The following GMDS variants were observed in gnomAD, a reference collection of about 807,000 sequenced individuals.
GMDS encodes the protein GDP-mannose 4,6-dehydratase, also known as GDP-mannose 4,6 dehydratase.
In GMDS, 20 loss-of-function variants were observed where a neutral mutation model predicts 49.9. The ratio of observed to expected loss-of-function variants is 0.40; its 90% CI spans 0.28 to 0.58. The LOEUF (loss-of-function observed/expected upper bound fraction) is 0.58. Among genes scored for constraint, GMDS ranks in the 20% least tolerant of loss-of-function variants. The pLI is 0.42. For missense variants in GMDS, 362 were observed against 481.4 expected, an observed-to-expected ratio of 0.75 and a Z score of 2.32; for synonymous variants, 177 against 178.6, an observed-to-expected ratio of 0.99 and a Z score of 0.07.
intron 1 of GMDS, among the ~76,000 whole-genome samples, chr6:2,152,723 T>C (rs1265995565): frequency 6.6e-6 from 1 of 152,110 alleles, no homozygotes; most frequent in Non-Finnish European, 1.5e-5. Context: ...TACAAAAATT[T>C]GGACAGGTGA....
intron 9 of GMDS, among the ~76,000 whole-genome samples, chr6:1,689,665 C>T (rs185833332): frequency 6.6e-6 from 1 of 152,310 alleles, no homozygotes; most frequent in Admixed American, 6.5e-5. Context: ...TGTCCTGCAA[C>T]TATTTATCTT....
intron 1 of GMDS, among the ~76,000 whole-genome samples, chr6:2,202,684 C>G (rs140766001): frequency 1.3e-5 from 2 of 152,188 alleles, no homozygotes; most frequent in African/African-American, 4.8e-5. Flanking sequence ...GGAGCTACTG[C>G]ATGAAAGAGC....
At chr6:1,751,328 G>A (rs1362528917) in intron 7 of GMDS, among the ~76,000 whole-genome samples, 1 of 152,182 alleles carries the variant, frequency 6.6e-6, no homozygotes, top group Non-Finnish European at 1.5e-5. Flanking sequence ...GAGAGCTCCG[G>A]CTAGCATCTG....
intron 7 of GMDS, among the ~76,000 whole-genome samples, chr6:1,869,089 T>C (rs1008475507): frequency 1.1e-4 from 16 of 152,166 alleles, no homozygotes; most frequent in Non-Finnish European, 2.1e-4. Flanking sequence ...ATCTTGTCAC[T>C]CTCTGAGAAG....
intron 7 of GMDS, among the ~76,000 whole-genome samples, chr6:1,742,895 C>T (rs1468484753): frequency 1.3e-5 from 2 of 152,034 alleles, no homozygotes; most frequent in African/African-American, 4.8e-5. Flanking sequence ...CAGACCACAA[C>T]GTAGAGGAAT....
chr6:1,670,877 C>A (rs992329422), intron 9 of GMDS, among the ~76,000 whole-genome samples: 1 of 152,212 alleles, frequency 6.6e-6, no homozygotes, highest in African/African-American at 2.4e-5. Flanking sequence ...AACATGAAAA[C>A]TCTTGCTCTG....
chr6:2,092,830 G>A (rs1403132913), intron 4 of GMDS, among the ~76,000 whole-genome samples: 1 of 152,132 alleles, frequency 6.6e-6, no homozygotes, highest in Non-Finnish European at 1.5e-5. Context: ...ATAGGTATAA[G>A]TTGGACATTT....
At chr6:2,163,014 T>C (rs1429997941) in intron 1 of GMDS, among the ~76,000 whole-genome samples, 1 of 152,206 alleles carries the variant, frequency 6.6e-6, no homozygotes, top group Admixed American at 6.5e-5. Flanking sequence ...TAGACAGCTC[T>C]CTCATTTTCT....
At chr6:1,742,648 C>T (rs1581535610) in intron 7 of GMDS, 62 bp from the exon 8 acceptor site, 1 of 856,108 alleles carries the variant, frequency 1.2e-6, no homozygotes, top group Non-Finnish European at 2.0e-6. Context: ...CATTGTTTTC[C>T]AGTGCACATA....
chr6:2,182,087 G>C (rs987567118), intron 1 of GMDS, among the ~76,000 whole-genome samples: 16 of 152,234 alleles, frequency 1.1e-4, no homozygotes, highest in Admixed American at 6.5e-5. Flanking sequence ...CCTTACTGCT[G>C]ATGTGGATAA....
intron 7 of GMDS, 112 bp from the exon 8 acceptor site, chr6:1,742,698 T>G (rs1220983990): frequency 3.1e-6 from 2 of 641,470 alleles, no homozygotes; most frequent in Non-Finnish European, 5.6e-6. Flanking sequence ...TGAGCATGAA[T>G]TTCATAGCAT....
rs191745079 is a variant in GMDS at position 1,948,106 on chromosome 6, A to G, written c.643+11761T>C. On this transcript the variant is annotated intron_variant, in intron 6 of 10. Transcript: ENST00000380815. ...CTTAAGTGAACACTATGATTACCCC[A>G]TTTTAGAGATGAGAAAACTGAGACT... 3.8e-4 allele frequency among the ~76,000 whole-genome samples: 58 copies of G among 152,264 alleles called. No individual in the cohort carries two copies. In the East Asian group the frequency reaches 5.8e-3, roughly 15 times the overall value.
chr6:1,912,363 C>T lies in GMDS; in HGVS notation c.771+17740G>A, dbSNP rs189075055. On this transcript the variant is annotated intron_variant, in intron 7 of 10. Transcript: ENST00000380815. Reference sequence around the variant, plus strand: ...CCTGGGCAACAGAGTGAGACTTTGTCTAAAAAAAATTTTTTAAAAAGTGAT... The same window carrying T: ...CCTGGGCAACAGAGTGAGACTTTGTTTAAAAAAAATTTTTTAAAAAGTGAT... Among the ~76,000 whole-genome samples the T allele has an allele frequency of 2.9e-3, 430 of 150,634 alleles. 1 individual carries two copies. Among genetic ancestry groups the T allele is most frequent in the Middle Eastern group, 0.01 (3 of 292 alleles).
chr6:2,075,426 G>A (rs1772275735), intron 4 of GMDS, among the ~76,000 whole-genome samples: 1 of 151,960 alleles, frequency 6.6e-6, no homozygotes, highest in South Asian at 2.1e-4. Context: ...CCCCACAACA[G>A]GCCCTGGTGT....
At chr6:1,676,465 G>A (rs1327085341) in intron 9 of GMDS, among the ~76,000 whole-genome samples, 4 of 152,146 alleles carry the variant, frequency 2.6e-5, no homozygotes, top group South Asian at 2.1e-4. Context: ...AAAAGAGCCC[G>A]CATTGCTAAG....
At chr6:1,728,189 T>C (rs897218552) in intron 8 of GMDS, among the ~76,000 whole-genome samples, 7 of 152,206 alleles carry the variant, frequency 4.6e-5, no homozygotes, top group Non-Finnish European at 7.3e-5. Context: ...TCTTAGCTAA[T>C]ATCCACAGGA....
At chr6:1,626,001 T>C (rs1040362141) in intron 9 of GMDS, 1 of 152,264 alleles carries the variant, frequency 6.6e-6, no homozygotes, top group Non-Finnish European at 1.5e-5. Flanking sequence ...TGAAAGCCTT[T>C]CCTGCTTATT....
intron 9 of GMDS, chr6:1,679,249 C>G (rs1341826396): frequency 2.0e-5 from 3 of 152,218 alleles, no homozygotes; most frequent in Non-Finnish European, 2.9e-5. Flanking sequence ...GGCACTGGAT[C>G]CAAACCTGTG....
intron 4 of GMDS, among the ~76,000 whole-genome samples, chr6:1,990,235 G>A (rs1488046065): frequency 6.6e-6 from 1 of 152,186 alleles, no homozygotes; most frequent in Non-Finnish European, 1.5e-5. Flanking sequence ...GGCGGAGTTT[G>A]CAGTGAGCCG....
Sources: allele counts gnomAD v4.1 joint callset (sites outside exome capture counted in the v4.1 genomes callset), GRCh38; gene constraint gnomAD v4.1.1; transcripts MANE v1.5; gene names NCBI Gene and HGNC (gene_info 2026-07-23, HGNC 2026-07-21).